The following RSPRY1 variants were observed in gnomAD, a reference collection of about 807,000 sequenced individuals.
RSPRY1 encodes RING finger and SPRY domain-containing protein 1.
A neutral mutation model predicts 73.1 loss-of-function variants in RSPRY1; 23 were observed. The observed-to-expected ratio is 0.31, with a 90% CI of 0.23 to 0.45. RSPRY1 has a LOEUF of 0.45. Among genes scored for constraint, RSPRY1 ranks in the 20% least tolerant of loss-of-function variants. The pLI is 1.00. For synonymous variants in RSPRY1, 226 were observed against 251.4 expected (o/e 0.90, Z 0.95); for missense variants, 448 against 698.7 (o/e 0.64, Z 4.05).
chr16:57,225,151 C>T lies in RSPRY1; in HGVS notation c.1162-2191C>T, dbSNP rs140166449. Among the ~76,000 whole-genome samples, 686 of 152,356 alleles carry T rather than the reference C, an allele frequency of 4.5e-3. 4 individuals are homozygous for T. The highest frequency in any genetic ancestry group is 0.016 in the African/African-American group (651 of 41,594). On this transcript the variant is annotated intron_variant, in intron 10 of 14. Coordinates refer to ENST00000394420, the MANE Select transcript of RSPRY1 (RefSeq NM_133368.3). Reference sequence around the variant, plus strand: ...TCTCTGCTCACTGCAACCTCTGCCTCCCAGGTTCAGGCGATTCTTGTGCCT... The same window carrying T: ...TCTCTGCTCACTGCAACCTCTGCCTTCCAGGTTCAGGCGATTCTTGTGCCT...
rs143749579 is a variant in RSPRY1, at chr16:57,239,482, C to T, written c.*507C>T. 1.4e-4 allele frequency: 21 copies of T among 152,314 alleles called. No individual in the cohort carries two copies. The highest frequency in any genetic ancestry group is 5.1e-4 in the African/African-American group (21 of 41,562). 9.4% of individuals were successfully genotyped at this position (152,314 alleles called of 1,614,324 possible). A position where few individuals can be genotyped will look rare whatever the true frequency, so the allele number is the denominator to read the frequency against. On this transcript the variant is annotated 3_prime_UTR_variant, in exon 15 of 15. Coordinates refer to ENST00000394420, the MANE Select transcript of RSPRY1 (RefSeq NM_133368.3). The stretch of plus-strand genomic sequence containing the variant: ...TGAATCTATAAAAATTAGAATCACA[C>T]AGTCAGTACTACAAGCAAAACAGAG...
At chr16:57,192,381 C>T (rs564927056) in intron 1 of RSPRY1, among the ~76,000 whole-genome samples, 4 of 152,268 alleles carry the variant, frequency 2.6e-5, no homozygotes, top group Non-Finnish European at 4.4e-5. Context: ...TTTTTCTTCC[C>T]TGTACTGCAA....
chr16:57,239,138 T>C lies in RSPRY1; in HGVS notation c.*163T>C, dbSNP rs1182394426. 2.6e-6 allele frequency: 1 copy of C among 381,604 alleles called. No individual in the cohort carries two copies. Among genetic ancestry groups the C allele is most frequent in the Non-Finnish European group, 4.7e-6 (1 of 213,844 alleles). 23.6% of individuals were successfully genotyped at this position (381,604 alleles called of 1,614,324 possible). A position where few individuals can be genotyped will look rare whatever the true frequency, so the allele number is the denominator to read the frequency against. On this transcript the variant is annotated 3_prime_UTR_variant, in exon 15 of 15. Coordinates refer to ENST00000394420, the MANE Select transcript of RSPRY1 (RefSeq NM_133368.3). ...GTAGTTTGTCAAAGACAAAATTCTC[T>C]TAGAATCTAATCCAACTTGCCAGCC...
At chr16:57,232,235 G>A (rs1350388267) in intron 13 of RSPRY1, among the ~76,000 whole-genome samples, 5 of 152,138 alleles carry the variant, frequency 3.3e-5, no homozygotes, top group Admixed American at 1.3e-4. Flanking sequence ...TCAAAAAGCA[G>A]ATCTGCAAGC....
In RSPRY1 at chr16:57,208,391, TATA is replaced by T. The variant is rs1402314919; in HGVS notation, c.403+282_403+284del. Among the ~76,000 whole-genome samples, 257 of 107,938 alleles carry T rather than the reference TATA, an allele frequency of 2.4e-3. 2 individuals are homozygous for T. The highest frequency in any genetic ancestry group is 0.01 in the African/African-American group (252 of 24,524). 70.8% of individuals were successfully genotyped at this position (107,938 alleles called of 152,430 possible). A position where few individuals can be genotyped will look rare whatever the true frequency, so the allele number is the denominator to read the frequency against. Reference sequence around the variant, plus strand: ...AGGAGATTATTTATATATATATATATATATATATATTTTTTTTTTTTTTTGAGA... The same window carrying T: ...AGGAGATTATTTATATATATATATATTATATATTTTTTTTTTTTTTTGAGA... On this transcript the variant is annotated intron_variant, in intron 3 of 14. Coordinates refer to ENST00000394420, the MANE Select transcript of RSPRY1 (RefSeq NM_133368.3).
intron 1 of RSPRY1, among the ~76,000 whole-genome samples, chr16:57,187,972 G>A (rs1318722259): frequency 1.3e-5 from 2 of 152,068 alleles, no homozygotes; most frequent in Admixed American, 6.5e-5. Context: ...TCTCAACATT[G>A]TAAACCTCCT....
intron 1 of RSPRY1, among the ~76,000 whole-genome samples, chr16:57,191,076 TC>T (rs2074344119): frequency 6.6e-6 from 1 of 152,206 alleles, no homozygotes; most frequent in South Asian, 2.1e-4. Flanking sequence ...ATTTCATAGG[TC>T]CTATGTACCT....
Position 57,208,128 on chromosome 16 carries a change from T to C in RSPRY1, c.403+18T>C, listed in dbSNP as rs1460563345. 6.9e-7 allele frequency: 1 copy of C among 1,443,534 alleles called. No homozygotes were observed. Among genetic ancestry groups the C allele is most frequent in the Non-Finnish European group, 9.6e-7 (1 of 1,039,360 alleles). 89.4% of individuals were successfully genotyped at this position (1,443,534 alleles called of 1,614,324 possible). On this transcript the variant is annotated intron_variant, in intron 3 of 14. Transcript: ENST00000394420. ...AGAAACAGGTATTTTTAGTTTTGTTTTCATTACTTTATAATGAATATATAA... is the reference window on the plus strand; with the variant it reads ...AGAAACAGGTATTTTTAGTTTTGTTCTCATTACTTTATAATGAATATATAA...
At chr16:57,190,083 T>C (rs1286564277) in intron 1 of RSPRY1, among the ~76,000 whole-genome samples, 4 of 152,110 alleles carry the variant, frequency 2.6e-5, no homozygotes, top group Admixed American at 2.6e-4. Flanking sequence ...GATTGGAAGT[T>C]ATGGCTGGGC....
chr16:57,207,941 T>TA lies in RSPRY1; in HGVS notation c.351-116dup, dbSNP rs2074757919. 6 of 688,534 alleles carry TA rather than the reference T, an allele frequency of 8.7e-6. No homozygotes were observed. In the South Asian group the frequency reaches 1.0e-4, roughly 12 times the overall value. 42.7% of individuals were successfully genotyped at this position (688,534 alleles called of 1,614,324 possible). ...AGGTTGTCTCTTCTATCTCTTTCCT[T>TA]ACATTTGTGTTCATTTCTTCTGTCC... On this transcript the variant is annotated intron_variant, in intron 2 of 14. Coordinates refer to ENST00000394420, the MANE Select transcript of RSPRY1 (RefSeq NM_133368.3).
intron 10 of RSPRY1, chr16:57,224,532 T>C (rs1313944961): frequency 1.3e-5 from 2 of 152,234 alleles, no homozygotes; most frequent in Non-Finnish European, 2.9e-5. Context: ...TAGTTCAAGA[T>C]AAATACCAAG....
At chr16:57,213,193 A>G in intron 5 of RSPRY1, 95 bp downstream of exon 5, 2 of 1,198,630 alleles carry the variant, frequency 1.7e-6, no homozygotes, top group Non-Finnish European at 2.3e-6. Flanking sequence ...GCTATACCAG[A>G]AAGAAATCTC....
intron 8 of RSPRY1, chr16:57,219,970 A>G (rs775220416): frequency 6.6e-6 from 1 of 152,016 alleles, no homozygotes; most frequent in Non-Finnish European, 1.5e-5. Context: ...TTCACTGTAG[A>G]TGTATGGATT....
At chr16:57,202,878 T>TATATA (rs2074646964) in intron 1 of RSPRY1, among the ~76,000 whole-genome samples, 1 of 131,638 alleles carries the variant, frequency 7.6e-6, no homozygotes, top group Admixed American at 7.7e-5. Context: ...TTACATATGA[T>TATATA]TATATATATA....
At chr16:57,195,732 A>G (rs2146181044) in intron 1 of RSPRY1, among the ~76,000 whole-genome samples, 2 of 151,312 alleles carry the variant, frequency 1.3e-5, no homozygotes, top group South Asian at 4.2e-4. Context: ...GGTAAAGAAT[A>G]TAGGTATTGG....
At chr16:57,205,066 A>G in intron 2 of RSPRY1, 58 bp downstream of exon 2, 1 of 1,353,644 alleles carries the variant, frequency 7.4e-7, no homozygotes, top group Non-Finnish European at 1.0e-6. Flanking sequence ...GCCCGGAACC[A>G]TGACTTTAGG....
chr16:57,226,811 G>C (rs1350450480), intron 10 of RSPRY1, among the ~76,000 whole-genome samples: 2 of 152,102 alleles, frequency 1.3e-5, no homozygotes, highest in African/African-American at 2.4e-5. Flanking sequence ...TAACCTCTTG[G>C]GAATGCAGCT....
At chr16:57,211,684 C>G (rs879752594) in intron 4 of RSPRY1, among the ~76,000 whole-genome samples, 3 of 152,114 alleles carry the variant, frequency 2.0e-5, no homozygotes, top group Non-Finnish European at 4.4e-5. Context: ...ATCGAACTTT[C>G]ATTGCTTTCC....
chr16:57,233,788 G>A (rs2146384066), intron 13 of RSPRY1, among the ~76,000 whole-genome samples: 1 of 152,230 alleles, frequency 6.6e-6, no homozygotes, highest in African/African-American at 2.4e-5. Flanking sequence ...CCAGTAGGCT[G>A]TGCCTTCAGA....
Sources: allele counts gnomAD v4.1 joint callset (sites outside exome capture counted in the v4.1 genomes callset), GRCh38; gene constraint gnomAD v4.1.1; transcripts MANE v1.5; gene names NCBI Gene and HGNC (gene_info 2026-07-23, HGNC 2026-07-21).